The following CHAT variants were observed in gnomAD, a reference collection of about 807,000 sequenced individuals.
The protein encoded by CHAT is acetyl CoA:choline O-acetyltransferase.
CHAT carries 61 observed loss-of-function variants against 76.9 expected under a neutral mutation model. The ratio of observed to expected loss-of-function variants is 0.79; its 90% confidence interval spans 0.65 to 0.98. The LOEUF is 0.98. Among genes scored for constraint, CHAT ranks in the 50% least tolerant of loss-of-function variants. CHAT has a pLI of 0.00. For synonymous variants in CHAT, 407 were observed against 397.4 expected (o/e 1.02, Z -0.29); for missense variants, 946 against 986.9 (o/e 0.96, Z 0.56).
At chr10:49,613,432 C>T (rs894513063), upstream of CHAT, among the ~76,000 whole-genome samples, 11 of 152,186 alleles carry the variant, frequency 7.2e-5, no homozygotes, top group Non-Finnish European at 1.0e-4. Flanking sequence ...CCCTGAGAGC[C>T]TCAAGCCAGC....
rs1449109906 is a variant in CHAT at position 49,666,839 on chromosome 10, G to A, written c.*1793G>A. 6.6e-6 allele frequency among the ~76,000 whole-genome samples: 1 copy of A among 152,188 alleles called. No individual in the cohort carries two copies. Among genetic ancestry groups the A allele is most frequent in the African/African-American group, 2.4e-5 (1 of 41,462 alleles). On this transcript the variant is annotated 3_prime_UTR_variant, in exon 15 of 15. Coordinates refer to ENST00000337653, the MANE Select transcript of CHAT (RefSeq NM_020549.5). ...AGGAAGTTGCAGCACAAGGGTCCTG[G>A]GTTTTCTGGGGAAAGGCAGCCCACC... is the stretch of plus-strand genomic sequence containing the variant.
At chr10:49,625,701 G>T (rs1235682676) in intron 6 of CHAT, 48 bp downstream of exon 6, 4 of 1,518,542 alleles carry the variant, frequency 2.6e-6, no homozygotes, top group East Asian at 2.4e-5. Flanking sequence ...GCATACAGTG[G>T]CCATGCGTTC....
chr10:49,664,630 T>G, intron 14 of CHAT, 147 bp from the exon 15 acceptor site: 1 of 1,078,196 alleles, frequency 9.3e-7, no homozygotes. Context: ...TTTTTATGAC[T>G]CTGGCTGTGT....
At chr10:49,611,447 A>G (rs1228249125), upstream of CHAT, 4 of 1,598,212 alleles carry the variant, frequency 2.5e-6, no homozygotes, top group Non-Finnish European at 3.4e-6. Flanking sequence ...GGCATCCTCT[A>G]TGAGTTCGCC....
In CHAT at chr10:49,614,240, G is replaced by A; in HGVS notation, c.51G>A (p.Trp17Ter). The A allele has an allele frequency of 1.3e-6, 2 of 1,544,802 alleles. No homozygotes were observed. Among genetic ancestry groups the A allele is most frequent in the South Asian group, 2.4e-5 (2 of 83,744 alleles). The change falls in exon 1 of 15, where the codon TGG becomes TGA. Residue 17 changes from tryptophan (W) to a stop codon, truncating the protein, a stop_gained. Coordinates refer to ENST00000337653, the MANE Select transcript of CHAT (RefSeq NM_020549.5). LOFTEE classifies it high-confidence loss of function. ...GGGGGCTTGGGGGAGGGGGGAAATG[G>A]AAGAGAGAGGAGGGAGGAGGTACAA... ...KKRGLGGGGK[W>*]KREEGGGTRG... is the part of the protein sequence containing the mutation.
At chr10:49,623,658 G>A (rs1838810018) in intron 5 of CHAT, among the ~76,000 whole-genome samples, 1 of 152,100 alleles carries the variant, frequency 6.6e-6, no homozygotes, top group Non-Finnish European at 1.5e-5. Flanking sequence ...CATTACAAAT[G>A]AGCCAGGAGA....
At chr10:49,625,359 C>G in intron 5 of CHAT, 114 bp from the exon 6 acceptor site, 5 of 933,268 alleles carry the variant, frequency 5.4e-6, no homozygotes, top group Non-Finnish European at 8.4e-6. Context: ...TGATGCAGTT[C>G]TGGGTTCTGT....
In CHAT at chr10:49,655,158, C is replaced by G. The variant is rs760452753; in HGVS notation, c.1698C>G (p.Arg566=). The G allele has an allele frequency of 6.2e-7, 1 of 1,613,906 alleles. No homozygotes were observed. Among genetic ancestry groups the G allele is most frequent in the Non-Finnish European group, 8.5e-7 (1 of 1,180,042 alleles). Residue 566 remains arginine, a synonymous_variant, in exon 12 of 15, where the codon CGC becomes CGG. Transcript: ENST00000337653. ...CCATCCGCCGATTCCAGGAGGGACG[C>G]GTGGACAACATCAGATCGGCCACTC... ...SASIRRFQEG[R]VDNIRSATPE...
At chr10:49,664,581 G>T (rs1468762114) in intron 14 of CHAT, among the ~76,000 whole-genome samples, 196 bp from the exon 15 acceptor site, 1 of 152,206 alleles carries the variant, frequency 6.6e-6, no homozygotes, top group African/African-American at 2.4e-5. Context: ...TGGGCTTGGG[G>T]CCCCTCATCC....
At chr10:49,657,363 G>T (rs1161700727) in intron 13 of CHAT, among the ~76,000 whole-genome samples, 1 of 152,102 alleles carries the variant, frequency 6.6e-6, no homozygotes, top group Non-Finnish European at 1.5e-5. Context: ...CCTCCTGAAG[G>T]TCCCACCTTC....
chr10:49,611,446 T>C, upstream of CHAT: 2 of 1,598,422 alleles, frequency 1.3e-6, no homozygotes, highest in Non-Finnish European at 1.7e-6. Context: ...GGGCATCCTC[T>C]ATGAGTTCGC....
rs566586001 is a variant in CHAT, at chr10:49,643,544, T to C, written c.1112-2961T>C. Among the ~76,000 whole-genome samples, 322 of 152,264 alleles carry C rather than the reference T, an allele frequency of 2.1e-3. 1 individual carries two copies. Among genetic ancestry groups the C allele is most frequent in the Non-Finnish European group, 2.7e-3 (181 of 68,012 alleles). On this transcript the variant is annotated intron_variant, in intron 7 of 14. Transcript: ENST00000337653. ...AGCACATAGTGCAGGGCGAGCACTA[T>C]GGCCATCTGCAGGGATGCCTAAGGA...
chr10:49,630,169 TA>T, intron 7 of CHAT, among the ~76,000 whole-genome samples: 1 of 142,646 alleles, frequency 7.0e-6, no homozygotes, highest in Middle Eastern at 3.4e-3. Flanking sequence ...TACAGAGCAA[TA>T]AATTTGAGGG....
upstream of CHAT, chr10:49,611,646 C>T (rs1838300539): frequency 1.2e-6 from 2 of 1,612,116 alleles, no homozygotes; most frequent in East Asian, 4.5e-5. Flanking sequence ...CCACCTGTAA[C>T]ATTCCCCTCG....
intron 7 of CHAT, among the ~76,000 whole-genome samples, chr10:49,646,146 T>C (rs992087158): frequency 8.5e-5 from 13 of 152,136 alleles, no homozygotes; most frequent in Admixed American, 3.9e-4. Context: ...GGGTGGGGGA[T>C]TAAGGGCCCT....
At chr10:49,659,679 T>C (rs1361462313) in intron 13 of CHAT, among the ~76,000 whole-genome samples, 1 of 152,062 alleles carries the variant, frequency 6.6e-6, no homozygotes, top group East Asian at 1.9e-4. Flanking sequence ...CTGGCCAACA[T>C]GGCAAAACCC....
intron 7 of CHAT, among the ~76,000 whole-genome samples, chr10:49,642,330 T>C (rs1290887407): frequency 1.3e-5 from 2 of 152,244 alleles, no homozygotes; most frequent in Non-Finnish European, 2.9e-5. Context: ...ACTGATCAGC[T>C]ACTTATATGC....
chr10:49,662,871 G>C, intron 14 of CHAT, 89 bp downstream of exon 14: 1 of 1,497,456 alleles, frequency 6.7e-7, no homozygotes, highest in Non-Finnish European at 9.3e-7. Context: ...GCTGGAATCA[G>C]GCAAATCCTG....
upstream of CHAT, chr10:49,611,042 C>T (rs538442914): frequency 4.6e-5 from 74 of 1,614,010 alleles, 2 homozygotes; most frequent in South Asian, 6.4e-4. Context: ...TCGGCGTCCC[C>T]GACAGCTGCG....
Sources: gnomAD v4.1 joint callset for allele counts (sites outside exome capture counted in the v4.1 genomes callset) on GRCh38, gnomAD v4.1.1 for gene constraint, MANE v1.5 for transcripts, NCBI Gene and HGNC (gene_info 2026-07-23, HGNC 2026-07-21) for gene names.